The following SHANK2 variants were observed in gnomAD, a reference collection of about 807,000 sequenced individuals.
The protein encoded by SHANK2 is SH3 and multiple ankyrin repeat domains protein 2.
SHANK2 carries 43 observed loss-of-function variants against 133.7 expected under a neutral mutation model. The ratio of observed to expected loss-of-function variants is 0.32; its 90% CI spans 0.25 to 0.41. The LOEUF (loss-of-function observed/expected upper bound fraction) is 0.41. Among genes scored for constraint, SHANK2 ranks in the 10% least tolerant of loss-of-function variants. The probability of loss-of-function intolerance (pLI) is 1.00; values close to 1 mark genes in which losing one functional copy is unlikely to be tolerated. For synonymous variants in SHANK2, 1,017 were observed against 952.8 expected (o/e 1.07, Z -1.24); for missense variants, 1,994 against 2,235.8 (o/e 0.89, Z 2.18).
At chr11:71,190,884 C>T (rs1352437652) in intron 2 of SHANK2, among the ~76,000 whole-genome samples, 1 of 152,108 alleles carries the variant, frequency 6.6e-6, no homozygotes, top group African/African-American at 2.4e-5. Context: ...CATTGTGAAG[C>T]TTAAATGTGA....
intron 11 of SHANK2, among the ~76,000 whole-genome samples, chr11:70,839,985 G>T (rs1446705754): frequency 2.6e-5 from 4 of 152,246 alleles, no homozygotes; most frequent in Non-Finnish European, 5.9e-5. Context: ...GGGACATGGA[G>T]AGGAGGGAAT....
chr11:71,215,224 G>A (rs1229451739), intron 2 of SHANK2, among the ~76,000 whole-genome samples: 14 of 152,164 alleles, frequency 9.2e-5, no homozygotes, highest in Non-Finnish European at 1.3e-4. Context: ...CCGCAGCAGG[G>A]CCCACGCTCT....
chr11:71,074,136 C>T (rs1032496536), intron 9 of SHANK2, among the ~76,000 whole-genome samples: 1 of 152,176 alleles, frequency 6.6e-6, no homozygotes, highest in Admixed American at 6.5e-5. Context: ...GGTAACAGTT[C>T]CCACTGAGGC....
chr11:71,111,571 C>T (rs1590923648), intron 5 of SHANK2, among the ~76,000 whole-genome samples: 1 of 152,214 alleles, frequency 6.6e-6, no homozygotes, highest in Non-Finnish European at 1.5e-5. Flanking sequence ...CCTCACCAGC[C>T]TAATTCTTTG....
chr11:70,620,790 A>T lies in SHANK2; in HGVS notation c.2061+39038T>A, dbSNP rs181331831. On this transcript the variant is annotated intron_variant, in intron 17 of 25. Transcript: ENST00000601538. ...AGAGCTTGGTGGCACTTTCACACAC[A>T]CTCTCTCTCTCTCCTCTCTCTGCCA... 2.5e-3 allele frequency among the ~76,000 whole-genome samples: 378 copies of T among 150,876 alleles called. 1 individual carries two copies. Among genetic ancestry groups the T allele is most frequent in the African/African-American group, 8.9e-3 (364 of 41,036 alleles).
chr11:70,746,442 C>T (rs1946639737), intron 14 of SHANK2, among the ~76,000 whole-genome samples: 1 of 148,772 alleles, frequency 6.7e-6, no homozygotes, highest in East Asian at 2.0e-4. Context: ...TCCTCTCCCA[C>T]CACACTCTCC....
At chr11:70,934,465 T>A (rs1205140161) in intron 10 of SHANK2, among the ~76,000 whole-genome samples, 1 of 152,030 alleles carries the variant, frequency 6.6e-6, no homozygotes, top group East Asian at 1.9e-4. Flanking sequence ...TGGGAAGCAG[T>A]CCTTGGCTGT....
At chr11:70,643,522 C>T (rs1237042832) in intron 17 of SHANK2, among the ~76,000 whole-genome samples, 1 of 148,014 alleles carries the variant, frequency 6.8e-6, no homozygotes, top group African/African-American at 2.5e-5. Context: ...TGAGATCACG[C>T]GCCACTGCAC....
chr11:71,234,325 G>A (rs1954795767), intron 1 of SHANK2, among the ~76,000 whole-genome samples: 1 of 151,128 alleles, frequency 6.6e-6, no homozygotes, highest in Non-Finnish European at 1.5e-5. Flanking sequence ...CCATGCCATT[G>A]CACTCCAGCC....
At chr11:70,839,528 G>A (rs1555061015) in intron 11 of SHANK2, among the ~76,000 whole-genome samples, 6 of 152,228 alleles carry the variant, frequency 3.9e-5, no homozygotes, top group Non-Finnish European at 8.8e-5. Flanking sequence ...CAGACAGGAG[G>A]TGCAGCCTTC....
At chr11:70,819,672 T>A (rs1948476488) in intron 12 of SHANK2, among the ~76,000 whole-genome samples, 1 of 152,110 alleles carries the variant, frequency 6.6e-6, no homozygotes, top group Admixed American at 6.5e-5. Flanking sequence ...ATGCTGCCCA[T>A]GTCCTTGTCT....
chr11:70,517,349 AAT>A (rs1291227996), intron 17 of SHANK2, among the ~76,000 whole-genome samples: 1 of 152,236 alleles, frequency 6.6e-6, no homozygotes, highest in East Asian at 1.9e-4. Flanking sequence ...ATGATCCAGC[AAT>A]TGTGCTCCTT....
chr11:70,778,850 T>C (rs529917265), intron 14 of SHANK2, among the ~76,000 whole-genome samples: 12 of 152,328 alleles, frequency 7.9e-5, no homozygotes, highest in African/African-American at 2.9e-4. Context: ...AGAAGGTTTC[T>C]AACCCCGTGA....
intron 6 of SHANK2, among the ~76,000 whole-genome samples, chr11:71,099,160 G>A (rs949930051): frequency 6.6e-6 from 1 of 152,142 alleles, no homozygotes; most frequent in South Asian, 2.1e-4. Context: ...CCAACAGGGA[G>A]AGCCTGGGAA....
At chr11:70,504,180 C>T (rs377484681) in intron 17 of SHANK2, among the ~76,000 whole-genome samples, 11 of 152,366 alleles carry the variant, frequency 7.2e-5, no homozygotes, top group East Asian at 1.9e-4. Flanking sequence ...CTGTGCTGTA[C>T]GCATATCCTC....
At chr11:70,542,436 G>C (rs556605998) in intron 17 of SHANK2, among the ~76,000 whole-genome samples, 3 of 152,272 alleles carry the variant, frequency 2.0e-5, no homozygotes, top group Admixed American at 6.5e-5. Context: ...CTAGAGCCTA[G>C]AGGGGGCTCA....
chr11:70,743,374 G>A (rs1007994894), intron 14 of SHANK2, among the ~76,000 whole-genome samples: 4 of 152,182 alleles, frequency 2.6e-5, no homozygotes, highest in Admixed American at 6.5e-5. Flanking sequence ...GTGTCTTTGC[G>A]AGAATAGACG....
In SHANK2 at chr11:70,487,951, T is replaced by G. The variant is rs1246609243; in HGVS notation, c.2573-231A>C. 6.6e-6 allele frequency among the ~76,000 whole-genome samples: 1 copy of G among 152,236 alleles called. No individual in the cohort carries two copies. The highest frequency in any genetic ancestry group is 1.5e-5 in the Non-Finnish European group (1 of 68,044). ...GGCACTGGGGATGCTGTGAGTACGC[T>G]GCTGCTGTGGGGCCTCCAGGCACAG... On this transcript the variant is annotated intron_variant, in intron 24 of 25. Transcript: ENST00000601538. The surrounding 1 kb of genome is among the most constrained non-coding windows in gnomAD (Gnocchi z 5.8).
chr11:70,558,888 C>T (rs1378734393), intron 17 of SHANK2, among the ~76,000 whole-genome samples: 3 of 152,220 alleles, frequency 2.0e-5, no homozygotes, highest in Non-Finnish European at 2.9e-5. Context: ...AAGCAGCCCC[C>T]GTTGGAGTCG....
Sources: allele counts gnomAD v4.1 joint callset (sites outside exome capture counted in the v4.1 genomes callset), GRCh38; gene constraint gnomAD v4.1.1; non-coding constraint Gnocchi (gnomAD v3.1); transcripts MANE v1.5; gene names NCBI Gene and HGNC (gene_info 2026-07-23, HGNC 2026-07-21).